Variants in PSIP1 observed in about 807,000 individuals in gnomAD.
PSIP1 encodes the protein PC4 and SRSF1 interacting protein 1.
PSIP1 carries 19 observed loss-of-function variants against 74.7 expected under a neutral mutation model. The observed-to-expected ratio is 0.25, with a 90% CI of 0.18 to 0.37. The LOEUF (loss-of-function observed/expected upper bound fraction) is 0.37, where lower values mean the gene tolerates loss of function less well. PSIP1 is among the 10% of genes least tolerant of loss of function. The pLI is 1.00. For synonymous variants in PSIP1, 222 were observed against 195.3 expected, an observed-to-expected ratio of 1.14 and a Z score of -1.14; for missense variants, 601 against 614.3, an observed-to-expected ratio of 0.98 and a Z score of 0.23.
intron 15 of PSIP1, 64 bp downstream of exon 15, chr9:15,466,684 A>C: frequency 7.7e-7 from 1 of 1,294,284 alleles, no homozygotes; most frequent in Non-Finnish European, 1.1e-6. Context: ...ACCTTGGAAC[A>C]GAACTGTGAT....
chr9:15,507,769 C>G (rs2037663853), intron 2 of PSIP1, among the ~76,000 whole-genome samples: 3 of 152,214 alleles, frequency 2.0e-5, no homozygotes, highest in African/African-American at 7.2e-5. Flanking sequence ...AGAGGACCTA[C>G]TATCCTCTGT....
chr9:15,470,394 A>G lies in PSIP1; in HGVS notation c.978-401T>C, dbSNP rs1187222273. Among the ~76,000 whole-genome samples the G allele has an allele frequency of 2.6e-5, 4 of 152,124 alleles. No individual in the cohort carries two copies. In the East Asian group the frequency reaches 7.7e-4, roughly 29 times the overall value. On this transcript the variant is annotated intron_variant, in intron 10 of 15. Coordinates refer to ENST00000380733, the MANE Select transcript of PSIP1 (RefSeq NM_033222.5). ...TAACAAGCAGATTAATGAGTTCTGAAGTTAGCTTTAAAGTTAAATAGACTT... is the reference window on the plus strand; with the variant it reads ...TAACAAGCAGATTAATGAGTTCTGAGGTTAGCTTTAAAGTTAAATAGACTT...
rs1411158286 is a variant in PSIP1 at position 15,486,030 on chromosome 9, A to G, written c.432T>C (p.Ala144=). Residue 144 remains alanine, a synonymous_variant, in exon 6 of 16, where the codon GCT becomes GCC. Transcript: ENST00000380733. ...CCTTTCTCTTTCTCCCCCTTCTGGC[A>G]GCTTTTGGAGTAGTTATGTCAACTG... ...TKAVDITTPK[A]ARRGRKRKAE... is the part of the protein sequence containing the mutation. 6.2e-7 allele frequency: 1 copy of G among 1,610,082 alleles called. No homozygotes were observed. The highest frequency in any genetic ancestry group is 8.5e-7 in the Non-Finnish European group (1 of 1,177,080).
At chr9:15,493,416 C>A (rs2036925526) in intron 3 of PSIP1, among the ~76,000 whole-genome samples, 1 of 152,212 alleles carries the variant, frequency 6.6e-6, no homozygotes, top group Non-Finnish European at 1.5e-5. Flanking sequence ...AAGTTCTCAA[C>A]TTTCCCACAT....
intron 9 of PSIP1, among the ~76,000 whole-genome samples, chr9:15,473,724 A>C (rs1457926110): frequency 1.3e-5 from 2 of 152,018 alleles, no homozygotes; most frequent in Non-Finnish European, 2.9e-5. Context: ...AAGATTGCAA[A>C]ACCTTGTCTC....
chr9:15,466,709 A>C (rs2035648886), intron 15 of PSIP1, 39 bp downstream of exon 15: 2 of 1,497,340 alleles, frequency 1.3e-6, no homozygotes, highest in African/African-American at 2.8e-5. Context: ...AACCTGAATA[A>C]TAAAAAACAC....
intron 3 of PSIP1, among the ~76,000 whole-genome samples, chr9:15,500,434 GCA>G (rs1260603573): frequency 1.3e-5 from 2 of 151,866 alleles, no homozygotes; most frequent in African/African-American, 4.8e-5. Context: ...CACTGCCACT[GCA>G]CTCCAGCCTG....
rs897797526 is a variant in PSIP1 at position 15,504,620 on chromosome 9, C to G, written c.149+1941G>C. Among the ~76,000 whole-genome samples, 5 of 151,872 alleles carry G rather than the reference C, an allele frequency of 3.3e-5. No individual in the cohort carries two copies. In the East Asian group the frequency reaches 9.7e-4, roughly 29 times the overall value. Reference sequence around the variant, plus strand: ...GGCGTGGTGGCAGGCACCTGTAGTCCCAGCTACTCGGGAGGCTGAGGCAGG... The same window carrying G: ...GGCGTGGTGGCAGGCACCTGTAGTCGCAGCTACTCGGGAGGCTGAGGCAGG... On this transcript the variant is annotated intron_variant, in intron 3 of 15. Coordinates refer to ENST00000380733, the MANE Select transcript of PSIP1 (RefSeq NM_033222.5).
chr9:15,473,920 A>AT (rs1227959891), intron 9 of PSIP1, 89 bp downstream of exon 9: 3 of 869,234 alleles, frequency 3.5e-6, no homozygotes, highest in Non-Finnish European at 4.8e-6. Context: ...AAAAACAAAA[A>AT]AAAAAACAAA....
In PSIP1 at chr9:15,472,663, G is replaced by C; in HGVS notation, c.946C>G (p.Arg316Gly). 1 of 1,603,264 alleles carries C rather than the reference G, an allele frequency of 6.2e-7. No homozygotes were observed. Among genetic ancestry groups the C allele is most frequent in the African/African-American group, 1.4e-5 (1 of 73,914 alleles). Reference sequence around the variant, plus strand: ...GTTTCCATTTGTTCCTCTTGCTTGCGTTTTCGATCTGCTGCTTCTTTCTCA... The same window carrying C: ...GTTTCCATTTGTTCCTCTTGCTTGCCTTTTCGATCTGCTGCTTCTTTCTCA... ...QHEKEAADRK[R>G]KQEEQMETEQ... is the part of the protein sequence containing the mutation. The change falls in exon 10 of 16, where the codon CGC becomes GGC. Residue 316 changes from arginine (R) to glycine (G), a missense_variant. Physicochemically the swap from Arg to Gly is moderately radical, Grantham distance 125. Transcript: ENST00000380733.
intron 10 of PSIP1, chr9:15,471,465 TAAC>T (rs1250572057): frequency 1.3e-5 from 12 of 959,560 alleles, no homozygotes; most frequent in Non-Finnish European, 1.2e-5. Context: ...CATATACTAG[TAAC>T]AACTAATTTT....
chr9:15,486,765 C>G (rs952242190), intron 5 of PSIP1, 62 bp downstream of exon 5: 1 of 1,171,098 alleles, frequency 8.5e-7, no homozygotes. Flanking sequence ...ATGGCCAACT[C>G]ATTTCATTAT....
intron 6 of PSIP1, among the ~76,000 whole-genome samples, chr9:15,485,297 C>T (rs1339674649): frequency 6.6e-6 from 1 of 151,966 alleles, no homozygotes; most frequent in Non-Finnish European, 1.5e-5. Flanking sequence ...TGTGTCCTTC[C>T]CTGCTCCTTC....
intron 3 of PSIP1, chr9:15,505,995 C>T (rs1375419680): frequency 6.6e-6 from 1 of 152,188 alleles, no homozygotes; most frequent in South Asian, 2.1e-4. Flanking sequence ...GGGAAATTAA[C>T]GGTAGCCTCC....
chr9:15,471,553 T>C (rs756247724), intron 10 of PSIP1: 172 of 968,070 alleles, frequency 1.8e-4, no homozygotes, highest in Non-Finnish European at 2.0e-4. Flanking sequence ...AAAGATAGAA[T>C]AGAAAATGAT....
intron 3 of PSIP1, among the ~76,000 whole-genome samples, chr9:15,504,729 T>G (rs1366631529): frequency 6.8e-6 from 1 of 147,508 alleles, no homozygotes; most frequent in Non-Finnish European, 1.5e-5. Context: ...AGAGCTAGAC[T>G]CGGTCTCAAA....
At chr9:15,509,482 T>C (rs1023789842) in intron 2 of PSIP1, among the ~76,000 whole-genome samples, 10 of 152,196 alleles carry the variant, frequency 6.6e-5, no homozygotes, top group Admixed American at 3.3e-4. Context: ...TTTTTGCCTA[T>C]TGGAAACAAA....
intron 3 of PSIP1, among the ~76,000 whole-genome samples, chr9:15,493,332 G>C (rs930624277): frequency 6.6e-6 from 1 of 152,134 alleles, no homozygotes; most frequent in Non-Finnish European, 1.5e-5. Context: ...CTCCATCTGA[G>C]ACCACCTCAG....
rs748549620 is a variant in PSIP1, at chr9:15,478,521, G to A, written c.585C>T (p.Gly195=). Residue 195 remains glycine (G), a synonymous_variant, in exon 8 of 16, where the codon GGC becomes GGT. Transcript: ENST00000380733. ...ATEVKIPKPR[G]RPKMVKQPCP... ...AGGGCTGTTTTACCATTTTGGGTCT[G>A]CCTCTTGGTTTTGGAATCTTGACTT... The A allele has an allele frequency of 1.2e-6, 2 of 1,605,672 alleles. No homozygotes were observed. The highest frequency in any genetic ancestry group is 1.1e-5 in the South Asian group (1 of 90,854).
Sources: allele counts gnomAD v4.1 joint callset (sites outside exome capture counted in the v4.1 genomes callset), GRCh38; gene constraint gnomAD v4.1.1; transcripts MANE v1.5; gene names NCBI Gene and HGNC (gene_info 2026-07-23, HGNC 2026-07-21).